NBEA: variants seen among roughly 807,000 people sequenced by gnomAD.
NBEA encodes lysosomal-trafficking regulator 2.
Under a neutral mutation model 343.4 loss-of-function variants are expected in NBEA, and 44 were observed. The ratio of observed to expected loss-of-function variants is 0.13; its 90% confidence interval spans 0.10 to 0.16. NBEA has a LOEUF of 0.16. NBEA is among the 10% of genes least tolerant of loss of function. NBEA has a pLI of 1.00. For missense variants in NBEA, 2,555 were observed against 3,631.3 expected, an observed-to-expected ratio of 0.70 and a Z score of 7.62; for synonymous variants, 1,175 against 1,238.7, an observed-to-expected ratio of 0.95 and a Z score of 1.08.
At chr13:35,352,671 A>C (rs1164896820) in intron 38 of NBEA, among the ~76,000 whole-genome samples, 1 of 152,042 alleles carries the variant, frequency 6.6e-6, no homozygotes, top group African/African-American at 2.4e-5. Flanking sequence ...TTTAGAGTCA[A>C]CTCTTCCTAC....
chr13:35,187,709 G>A (rs1047033680), intron 30 of NBEA, among the ~76,000 whole-genome samples: 5 of 151,828 alleles, frequency 3.3e-5, no homozygotes, highest in African/African-American at 1.2e-4. Flanking sequence ...GGTTTTAAAA[G>A]ATAAAGCAGA....
intron 41 of NBEA, among the ~76,000 whole-genome samples, chr13:35,509,901 A>G (rs964299916): frequency 2.6e-5 from 4 of 152,180 alleles, no homozygotes; most frequent in African/African-American, 4.8e-5. Context: ...GCTTAAGGAT[A>G]TTAAGTATTT....
intron 49 of NBEA, among the ~76,000 whole-genome samples, chr13:35,629,821 A>G (rs2083377814): frequency 6.6e-6 from 1 of 152,188 alleles, no homozygotes; most frequent in South Asian, 2.1e-4. Flanking sequence ...TTTATAAACT[A>G]TTCTTTTAAG....
intron 1 of NBEA, among the ~76,000 whole-genome samples, chr13:34,994,860 G>T (rs1593400420): frequency 1.3e-5 from 2 of 152,190 alleles, no homozygotes; most frequent in Admixed American, 1.3e-4. Context: ...TCTGCTATCT[G>T]AAGTATCTGA....
intron 1 of NBEA, among the ~76,000 whole-genome samples, chr13:34,962,810 G>A (rs1487343794): frequency 1.3e-5 from 2 of 151,964 alleles, no homozygotes; most frequent in East Asian, 3.9e-4. Context: ...CAGAAGATGT[G>A]TTTTGTGAAG....
chr13:35,625,242 C>T (rs932699987), intron 48 of NBEA, among the ~76,000 whole-genome samples: 2 of 152,180 alleles, frequency 1.3e-5, no homozygotes, highest in African/African-American at 4.8e-5. Context: ...CAACAAAGAA[C>T]ATGGATAAAG....
chr13:35,029,276 G>C (rs1488265207), intron 1 of NBEA, among the ~76,000 whole-genome samples: 1 of 151,208 alleles, frequency 6.6e-6, no homozygotes. Flanking sequence ...CTGTGGTGTG[G>C]ATGGCTGTAA....
chr13:35,352,283 C>A lies in NBEA; in HGVS notation c.6139C>A (p.Leu2047Ile). Reference sequence around the variant, plus strand: ...GCTGAAACAGAAGATTCTCAATATTCTCACAAATAAACATGGTGCTTGGGG... The same window carrying A: ...GCTGAAACAGAAGATTCTCAATATTATCACAAATAAACATGGTGCTTGGGG... The part of the protein sequence containing the change: ...NQLKQKILNI[L>I]TNKHGAWGAV... The change falls in exon 38 of 59, where the codon CTC (leucine) becomes ATC (isoleucine). Residue 2047 changes from leucine to isoleucine, a missense_variant. By Grantham distance (5) the Leu-to-Ile change is conservative (BLOSUM62 2). Coordinates refer to ENST00000379939, the MANE Select transcript of NBEA (RefSeq NM_001385012.1). 1 of 1,544,416 alleles carries A rather than the reference C, an allele frequency of 6.5e-7. No individual in the cohort carries two copies. Among genetic ancestry groups the A allele is most frequent in the Non-Finnish European group, 8.8e-7 (1 of 1,140,630 alleles).
At chr13:35,163,758 T>G (rs2069765801) in intron 23 of NBEA, among the ~76,000 whole-genome samples, 1 of 152,154 alleles carries the variant, frequency 6.6e-6, no homozygotes, top group Non-Finnish European at 1.5e-5. Context: ...ATTAAATAAG[T>G]TCTTGAATTT....
At chr13:35,365,144 T>C (rs1418907001) in intron 38 of NBEA, among the ~76,000 whole-genome samples, 2 of 151,768 alleles carry the variant, frequency 1.3e-5, no homozygotes, top group East Asian at 3.9e-4. Flanking sequence ...GCATTTTTTC[T>C]AAAATATGTA....
At chr13:35,621,630 G>T (rs1287933141) in intron 48 of NBEA, among the ~76,000 whole-genome samples, 3 of 152,032 alleles carry the variant, frequency 2.0e-5, no homozygotes, top group Non-Finnish European at 2.9e-5. Context: ...TCTAGAAGAG[G>T]GTCTGTCACA....
intron 39 of NBEA, among the ~76,000 whole-genome samples, chr13:35,445,807 T>G (rs2045993310): frequency 7.2e-6 from 1 of 139,146 alleles, no homozygotes; most frequent in Non-Finnish European, 1.6e-5. Context: ...TATATATATA[T>G]ATATATATAT....
chr13:35,251,582 CA>C (rs2031962962), intron 34 of NBEA: 1 of 1,211,938 alleles, frequency 8.3e-7, no homozygotes, highest in Non-Finnish European at 1.1e-6. Context: ...TTCACAGAAG[CA>C]GTGGAAGCCA....
rs1444217861 is a variant in NBEA, at chr13:35,320,359, G to A, written c.5903+10767G>A. ...TTATTTCTCCTTTGCTTATGAAGCT[G>A]AGTTCGACTGGATATGAAATTCTGA... On this transcript the variant is annotated intron_variant, in intron 36 of 58. Transcript: ENST00000379939. Among the ~76,000 whole-genome samples the A allele has an allele frequency of 1.1e-4, 17 of 152,140 alleles. 1 individual carries two copies. Among genetic ancestry groups the A allele is most frequent in the Non-Finnish European group, 2.9e-5 (2 of 68,010 alleles).
intron 40 of NBEA, among the ~76,000 whole-genome samples, chr13:35,456,308 T>G (rs1163727220): frequency 6.6e-6 from 1 of 152,054 alleles, no homozygotes; most frequent in Non-Finnish European, 1.5e-5. Context: ...AAGTTAAATG[T>G]GTGTGACTAC....
intron 39 of NBEA, among the ~76,000 whole-genome samples, chr13:35,443,144 G>A (rs1386183376): frequency 5.9e-5 from 9 of 152,116 alleles, no homozygotes; most frequent in Non-Finnish European, 8.8e-5. Context: ...TGCTAATGCT[G>A]CACATTTACT....
At chr13:35,256,763 G>A (rs920786604) in intron 34 of NBEA, among the ~76,000 whole-genome samples, 1 of 152,114 alleles carries the variant, frequency 6.6e-6, no homozygotes. Flanking sequence ...ACAATGCCTG[G>A]GTGTGGCCAC....
chr13:35,334,382 G>C (rs9593117), intron 36 of NBEA, among the ~76,000 whole-genome samples: 2,183 of 152,180 alleles, frequency 0.014, 47 homozygotes, highest in African/African-American at 0.05. Context: ...GAATTCTCCT[G>C]CCTCAGCCTC....
rs201533310 is a variant in NBEA at position 35,196,268 on chromosome 13, G to A, written c.5332G>A (p.Ala1778Thr). 9.5e-4 allele frequency: 1,531 copies of A among 1,613,356 alleles called. 16 individuals are homozygous for A. The African/African-American group carries it at 0.018, about 19-fold the overall frequency. The change falls in exon 31 of 59, where the codon GCT becomes ACT. Residue 1778 changes from alanine to threonine, a missense_variant. Transcript: ENST00000379939. The part of the protein sequence containing the change: ...PDPALKRETQ[A>T]ILPMQFHSFD... ...TCCAGCATTGAAGAGAGAAACACAA[G>A]CTATTCTTCCTATGCAGTTTCATTC... is the stretch of plus-strand genomic sequence containing the variant.
Sources: allele counts gnomAD v4.1 joint callset (sites outside exome capture counted in the v4.1 genomes callset), GRCh38; gene constraint gnomAD v4.1.1; transcripts MANE v1.5; gene names NCBI Gene and HGNC (gene_info 2026-07-23, HGNC 2026-07-21).